The following SMO variants were observed in gnomAD, a reference collection of about 807,000 sequenced individuals.
SMO encodes smoothened, frizzled class receptor.
A neutral mutation model predicts 81.6 loss-of-function variants in SMO; 40 were observed. That is an observed-to-expected ratio of 0.49 (90% CI 0.38 to 0.64). The LOEUF (loss-of-function observed/expected upper bound fraction) is 0.64. Among genes scored for constraint, SMO ranks in the 30% least tolerant of loss-of-function variants. SMO has a pLI of 0.00. For synonymous variants in SMO, 434 were observed against 432.1 expected (o/e 1.00, Z -0.05); for missense variants, 916 against 1,061.1 (o/e 0.86, Z 1.90).
chr7:129,200,313 C>T (rs1013374567), intron 1 of SMO, among the ~76,000 whole-genome samples: 9 of 151,820 alleles, frequency 5.9e-5, no homozygotes, highest in African/African-American at 1.2e-4. Context: ...CCCAGCTACT[C>T]GGGAGGCTGA....
chr7:129,212,266 C>T lies in SMO; in HGVS notation c.2179C>T (p.Gln727Ter), dbSNP rs1361595595. Residue 727 changes from glutamine to a stop codon, truncating the protein, a stop_gained, in exon 12 of 12, where the codon CAG (glutamine) becomes TAG (stop). Transcript: ENST00000249373. LOFTEE classifies it high-confidence loss of function. This position sits in a 1 kb window ranked among gnomAD's most constrained non-coding sequence, Gnocchi z 5.0. ...GAWGAGDSCRQGAWTLVSNPF... is the reference protein window; with the variant it reads ...GAWGAGDSCR ...CTGGGGAGCTGGGGACTCTTGCCGA[C>T]AGGGAGCGTGGACCCTGGTCTCCAA... 3.1e-6 allele frequency: 5 copies of T among 1,610,828 alleles called. No homozygotes were observed. Among genetic ancestry groups the T allele is most frequent in the African/African-American group, 1.3e-5 (1 of 74,878 alleles).
rs1192199125 is a variant in SMO at position 129,205,674 on chromosome 7, A to G, written c.812A>G (p.Asn271Ser). Residue 271 changes from asparagine to serine, a missense_variant, in exon 4 of 12, where the codon AAT (asparagine) becomes AGT (serine). Physicochemically the swap from Asn to Ser is conservative, Grantham distance 46. This residue lies in a region of SMO where 436 missense variants were observed against 570.9 expected (regional missense o/e 0.76). Coordinates refer to ENST00000249373, the MANE Select transcript of SMO (RefSeq NM_005631.5). ...RYPAVILFYV[N>S]ACFFVGSIGW... Reference sequence around the variant, plus strand: ...CCTGCTGTTATTCTCTTCTACGTCAATGCGTGCTTCTTTGTGGGCAGCATT... The same window carrying G: ...CCTGCTGTTATTCTCTTCTACGTCAGTGCGTGCTTCTTTGTGGGCAGCATT... The G allele has an allele frequency of 1.9e-6, 3 of 1,613,850 alleles. No individual in the cohort carries two copies. The highest frequency in any genetic ancestry group is 2.5e-6 in the Non-Finnish European group (3 of 1,180,008).
In SMO at chr7:129,206,328, C is replaced by A. The variant is rs1793765145; in HGVS notation, c.1099C>A (p.Leu367Ile). ...TSYFHLLTWS[L>I]PFVLTVAILA... ...CTACTTCCACCTGCTCACCTGGTCA[C>A]TCCCCTTTGTCCTCACTGTGGCAAT... Residue 367 changes from leucine (L) to isoleucine (I), a missense_variant, in exon 5 of 12, where the codon CTC becomes ATC. Around this residue, in one of 4 missense-constraint regions of SMO, gnomAD observed 436 missense variants for 570.9 expected, o/e 0.76. Transcript: ENST00000249373. The surrounding 1 kb of genome is among the most constrained non-coding windows in gnomAD (Gnocchi z 4.4). 1 of 1,614,102 alleles carries A rather than the reference C, an allele frequency of 6.2e-7. No individual in the cohort carries two copies. The highest frequency in any genetic ancestry group is 1.7e-5 in the Admixed American group (1 of 60,008).
In SMO at chr7:129,189,561, G is replaced by A. The variant is rs1172433361; in HGVS notation, c.331+79G>A. 4.2e-5 allele frequency: 62 copies of A among 1,474,788 alleles called. No individual in the cohort carries two copies. The highest frequency in any genetic ancestry group is 3.6e-6 in the Non-Finnish European group (4 of 1,100,476). The allele number at this position is 1,474,788 out of a possible 1,614,324, so 91.4% of individuals were successfully genotyped here. On this transcript the variant is annotated intron_variant, in intron 1 of 11. Transcript: ENST00000249373. This position sits in a 1 kb window ranked among gnomAD's most constrained non-coding sequence, Gnocchi z 4.7. Reference sequence around the variant, plus strand: ...GGCACCCTTGGAAAGAACAGGCTCAGGCCTGAGTTTTGGAGAGGGCGGGGA... The same window carrying A: ...GGCACCCTTGGAAAGAACAGGCTCAAGCCTGAGTTTTGGAGAGGGCGGGGA...
Position 129,200,990 on chromosome 7 carries a change from G to C in SMO, c.332-2394G>C, listed in dbSNP as rs577476166. 5.9e-5 allele frequency among the ~76,000 whole-genome samples: 9 copies of C among 151,820 alleles called. No individual in the cohort carries two copies. In the East Asian group the frequency reaches 1.6e-3, roughly 26 times the overall value. ...GACCTCAAGTGATCTGCCTGCCTCA[G>C]CCTCTCAAAGTGCTGGGATTACAGG... On this transcript the variant is annotated intron_variant, in intron 1 of 11. Transcript: ENST00000249373.
Position 129,211,662 on chromosome 7 carries a change from C to A in SMO, c.1828C>A (p.Pro610Thr), listed in dbSNP as rs1299372923. 1.2e-6 allele frequency: 2 copies of A among 1,613,218 alleles called. No individual in the cohort carries two copies. The highest frequency in any genetic ancestry group is 3.3e-5 in the Admixed American group (2 of 59,996). The change falls in exon 11 of 12, where the codon CCC becomes ACC. Residue 610 changes from proline (P) to threonine (T), a missense_variant. Transcript: ENST00000249373. The surrounding 1 kb of genome is among the most constrained non-coding windows in gnomAD (Gnocchi z 4.6). Reference sequence around the variant, plus strand: ...GGGCTTGGCCTTTGACCTCAATGAGCCCTCAGCTGATGTCTCCTCTGCCTG... The same window carrying A: ...GGGCTTGGCCTTTGACCTCAATGAGACCTCAGCTGATGTCTCCTCTGCCTG... ...VAGLAFDLNE[P>T]SADVSSAWAQ... is the part of the protein sequence containing the mutation.
chr7:129,194,632 A>G (rs1180149589), intron 1 of SMO, among the ~76,000 whole-genome samples: 1 of 152,100 alleles, frequency 6.6e-6, no homozygotes, highest in Non-Finnish European at 1.5e-5. Context: ...CATAAGCAGT[A>G]TATTTCAGCT....
chr7:129,209,091 C>T lies in SMO; in HGVS notation c.1358-198C>T, dbSNP rs1433820125. The T allele has an allele frequency of 2.1e-5, 13 of 608,872 alleles. No individual in the cohort carries two copies. In the East Asian group the frequency reaches 3.0e-4, roughly 14 times the overall value. 37.7% of individuals were successfully genotyped at this position (608,872 alleles called of 1,614,324 possible). ...GGTTCCTCCTGCCCACTACGTCCCA[C>T]GTGGTCCCTCCCACAGTTGCTTCAA... On this transcript the variant is annotated intron_variant, in intron 7 of 11. Transcript: ENST00000249373.
In SMO at chr7:129,212,365, C is replaced by T. The variant is rs1251652684; in HGVS notation, c.2278C>T (p.His760Tyr). 5.0e-6 allele frequency: 8 copies of T among 1,613,952 alleles called. No individual in the cohort carries two copies. Among genetic ancestry groups the T allele is most frequent in the South Asian group, 3.3e-5 (3 of 91,092 alleles). The change falls in exon 12 of 12, where the codon CAT becomes TAT. Residue 760 changes from histidine to tyrosine, a missense_variant. Coordinates refer to ENST00000249373, the MANE Select transcript of SMO (RefSeq NM_005631.5). This position sits in a 1 kb window ranked among gnomAD's most constrained non-coding sequence, Gnocchi z 5.0. ...TGCACCGGCCCCCGTGGCATGGGCT[C>T]ATGGCCGCCGACAGGGCCTGGGGCC... is the stretch of plus-strand genomic sequence containing the variant. ...PSAPAPVAWA[H>Y]GRRQGLGPIH...
Position 129,212,375 on chromosome 7 carries a change from G to A in SMO, c.2288G>A (p.Arg763Gln), listed in dbSNP as rs1167098287. 16 of 1,613,948 alleles carry A rather than the reference G, an allele frequency of 9.9e-6. No individual in the cohort carries two copies. Among genetic ancestry groups the A allele is most frequent in the Non-Finnish European group, 1.3e-5 (15 of 1,180,048 alleles). Residue 763 changes from arginine to glutamine, a missense_variant, in exon 12 of 12, where the codon CGA (arginine) becomes CAA (glutamine). Around this residue, in one of 4 missense-constraint regions of SMO, gnomAD observed 324 missense variants for 312.9 expected, o/e 1.04. Coordinates refer to ENST00000249373, the MANE Select transcript of SMO (RefSeq NM_005631.5). The surrounding 1 kb of genome is among the most constrained non-coding windows in gnomAD (Gnocchi z 5.0). Reference sequence around the variant, plus strand: ...CCCGTGGCATGGGCTCATGGCCGCCGACAGGGCCTGGGGCCTATTCACTCC... The same window carrying A: ...CCCGTGGCATGGGCTCATGGCCGCCAACAGGGCCTGGGGCCTATTCACTCC... ...PAPVAWAHGR[R>Q]QGLGPIHSRT...
At chr7:129,195,889 C>G (rs1403796927) in intron 1 of SMO, among the ~76,000 whole-genome samples, 1 of 151,988 alleles carries the variant, frequency 6.6e-6, no homozygotes, top group Non-Finnish European at 1.5e-5. Flanking sequence ...ATCACGAGGT[C>G]AGGAAGTCGA....
rs1007861805 is a variant in SMO at position 129,210,667 on chromosome 7, C to T, written c.1652+119C>T. ...AGCCTTGGTCAGTGGTTCACCGCTG[C>T]CCCCTGGTGGCACCTTCTGTCCTTG... On this transcript the variant is annotated intron_variant, in intron 9 of 11. Transcript: ENST00000249373. This position sits in a 1 kb window ranked among gnomAD's most constrained non-coding sequence, Gnocchi z 4.7. The T allele has an allele frequency of 2.2e-5, 19 of 861,300 alleles. No homozygotes were observed. Among genetic ancestry groups the T allele is most frequent in the African/African-American group, 2.0e-4 (12 of 59,622 alleles). 53.4% of individuals were successfully genotyped at this position (861,300 alleles called of 1,614,324 possible). A position where few individuals can be genotyped will look rare whatever the true frequency, so the allele number is the denominator to read the frequency against.
rs2150638037 is a variant in SMO, at chr7:129,189,274, T to C, written c.123T>C (p.Pro41=). 1 of 1,387,670 alleles carries C rather than the reference T, an allele frequency of 7.2e-7. No individual in the cohort carries two copies. The highest frequency in any genetic ancestry group is 3.0e-5 in the East Asian group (1 of 33,068). The allele number at this position is 1,387,670 out of a possible 1,614,324, so 86.0% of individuals were successfully genotyped here. ...GCGGGAACGCGACCGGGCCTGGGCCTCGGAGCGCGGGCGGGAGCGCGAGGA... is the reference window on the plus strand; with the variant it reads ...GCGGGAACGCGACCGGGCCTGGGCCCCGGAGCGCGGGCGGGAGCGCGAGGA... ...ASSGNATGPG[P]RSAGGSARRS... is the part of the protein sequence containing the mutation. The change falls in exon 1 of 12, where the codon CCT becomes CCC. Residue 41 remains proline, a synonymous_variant. Transcript: ENST00000249373. The surrounding 1 kb of genome is among the most constrained non-coding windows in gnomAD (Gnocchi z 4.7).
At chr7:129,209,851 C>G (rs187061485) in intron 8 of SMO, 5 of 182,514 alleles carry the variant, frequency 2.7e-5, no homozygotes, top group Admixed American at 1.6e-4. Context: ...GAGAGTAAGA[C>G]ATTGCTACTG....
chr7:129,189,287 G>GGGAGCGCGAGGA lies in SMO; in HGVS notation c.145_156dup (p.Arg49_Ala52dup). 1.4e-6 allele frequency: 2 copies of GGGAGCGCGAGGA among 1,410,072 alleles called. No homozygotes were observed. Among genetic ancestry groups the GGGAGCGCGAGGA allele is most frequent in the Non-Finnish European group, 1.8e-6 (2 of 1,092,856 alleles). The allele number at this position is 1,410,072 out of a possible 1,614,324, so 87.3% of individuals were successfully genotyped here. The stretch of plus-strand genomic sequence containing the variant: ...CGGGCCTGGGCCTCGGAGCGCGGGC[G>GGGAGCGCGAGGA]GGAGCGCGAGGAGGAGCGCGGCGGT... On this transcript the variant is annotated inframe_insertion, in exon 1 of 12. Transcript: ENST00000249373. This position sits in a 1 kb window ranked among gnomAD's most constrained non-coding sequence, Gnocchi z 4.7.
chr7:129,201,039 C>T (rs1193127848), intron 1 of SMO, among the ~76,000 whole-genome samples: 1 of 151,746 alleles, frequency 6.6e-6, no homozygotes, highest in African/African-American at 2.4e-5. Context: ...ACCTGGCTGA[C>T]ACAACCTTTA....
rs2150657322 is a variant in SMO, at chr7:129,212,417, A to T, written c.2330A>T (p.Asp777Val). 1 of 1,613,616 alleles carries T rather than the reference A, an allele frequency of 6.2e-7. No homozygotes were observed. Among genetic ancestry groups the T allele is most frequent in the Non-Finnish European group, 8.5e-7 (1 of 1,179,776 alleles). Residue 777 changes from aspartate to valine, a missense_variant, in exon 12 of 12, where the codon GAC becomes GTC. Coordinates refer to ENST00000249373, the MANE Select transcript of SMO (RefSeq NM_005631.5). This position sits in a 1 kb window ranked among gnomAD's most constrained non-coding sequence, Gnocchi z 5.0. Reference protein sequence around the residue: ...GPIHSRTNLMDTELMDADSDF With the variant: ...GPIHSRTNLMVTELMDADSDF ...ATTCACTCCCGCACCAACCTGATGG[A>T]CACAGAACTCATGGATGCAGACTCG...
Position 129,212,918 on chromosome 7 carries a change from G to C in SMO, c.*467G>C, listed in dbSNP as rs1295975251. On this transcript the variant is annotated 3_prime_UTR_variant, in exon 12 of 12. Coordinates refer to ENST00000249373, the MANE Select transcript of SMO (RefSeq NM_005631.5). This position sits in a 1 kb window ranked among gnomAD's most constrained non-coding sequence, Gnocchi z 5.0. Reference sequence around the variant, plus strand: ...GTCTCAGTCCAAAAGTGTTGACTGTGTCATTAGTCCTTTGTCTAAGTAGGG... The same window carrying C: ...GTCTCAGTCCAAAAGTGTTGACTGTCTCATTAGTCCTTTGTCTAAGTAGGG... The C allele has an allele frequency of 1.8e-5, 5 of 273,490 alleles. No homozygotes were observed. Among genetic ancestry groups the C allele is most frequent in the Non-Finnish European group, 2.8e-5 (4 of 144,624 alleles). The allele number at this position is 273,490 out of a possible 1,614,324, so 16.9% of individuals were successfully genotyped here. A position where few individuals can be genotyped will look rare whatever the true frequency, so the allele number is the denominator to read the frequency against.
At position 129,205,643 on chromosome 7, in the gene SMO, C is replaced by A. The variant is rs755698791; in HGVS notation, c.781C>A (p.Arg261Ser). 6.2e-7 allele frequency: 1 copy of A among 1,613,884 alleles called. No homozygotes were observed. The change falls in exon 4 of 12, where the codon CGC becomes AGC. Residue 261 changes from arginine to serine, a missense_variant. This residue lies in a region of SMO where 436 missense variants were observed against 570.9 expected (regional missense o/e 0.76). Coordinates refer to ENST00000249373, the MANE Select transcript of SMO (RefSeq NM_005631.5). ...CGTGGCTGACTGGCGGAACTCGAAT[C>A]GCTACCCTGCTGTTATTCTCTTCTA... ...TFVADWRNSN[R>S]YPAVILFYVN...
Sources: gnomAD v4.1 joint callset for allele counts (sites outside exome capture counted in the v4.1 genomes callset) on GRCh38, gnomAD v4.1.1 for gene constraint, gnomAD v4.1.1 regional missense constraint, Gnocchi (gnomAD v3.1) non-coding constraint, MANE v1.5 for transcripts, NCBI Gene and HGNC (gene_info 2026-07-23, HGNC 2026-07-21) for gene names.